Variants in MAP1LC3B observed in about 807,000 individuals in gnomAD.
MAP1LC3B encodes microtubule associated protein 1 light chain 3 beta, also known as microtubule-associated protein 1 light chain 3 beta.
In MAP1LC3B, 12 loss-of-function variants were observed where a neutral mutation model predicts 16.7. The observed-to-expected ratio is 0.72, with a 90% CI of 0.46 to 1.16. MAP1LC3B has a LOEUF of 1.16. Among genes scored for constraint, MAP1LC3B ranks in the 50% most tolerant of loss-of-function variants. MAP1LC3B has a pLI of 0.00. For synonymous variants in MAP1LC3B, 63 were observed against 56.5 expected, an observed-to-expected ratio of 1.11 and a Z score of -0.51; for missense variants, 155 against 159.5, an observed-to-expected ratio of 0.97 and a Z score of 0.15.
intron 2 of MAP1LC3B, chr16:87,399,564 A>G (rs1567500398): frequency 2.2e-6 from 1 of 448,284 alleles, no homozygotes; most frequent in Non-Finnish European, 4.4e-6. Flanking sequence ...AAGATTTCCC[A>G]TTCCTGCCAC....
At chr16:87,400,519 T>G (rs9308349) in intron 2 of MAP1LC3B, among the ~76,000 whole-genome samples, 125,247 of 151,956 alleles carry the variant, frequency 0.82, 55,824 homozygotes, top group East Asian at 1. Flanking sequence ...AGAAATATGT[T>G]ATCAGAATGA....
intron 2 of MAP1LC3B, among the ~76,000 whole-genome samples, chr16:87,401,305 C>G (rs888444627): frequency 6.6e-6 from 1 of 152,072 alleles, no homozygotes; most frequent in African/African-American, 2.4e-5. Flanking sequence ...AAAACTGAAA[C>G]AGAATGAAAG....
At chr16:87,401,295 A>G (rs370939185) in intron 2 of MAP1LC3B, among the ~76,000 whole-genome samples, 1 of 152,296 alleles carries the variant, frequency 6.6e-6, no homozygotes, top group African/African-American at 2.4e-5. Flanking sequence ...TCATGGTTCC[A>G]AAACTGAAAC....
At position 87,401,918 on chromosome 16, in the gene MAP1LC3B, C is replaced by T. The variant is rs1908006916; in HGVS notation, c.97-257C>T. 2.6e-5 allele frequency among the ~76,000 whole-genome samples: 4 copies of T among 152,228 alleles called. No individual in the cohort carries two copies. In the South Asian group the frequency reaches 8.3e-4, roughly 32 times the overall value. On this transcript the variant is annotated intron_variant, in intron 2 of 3. Transcript: ENST00000268607. ...CGCGATCTCGGCTCACTGCAAGCTCCACCTCCCGGGTTCACGCCATTCTCC... is the reference window on the plus strand; with the variant it reads ...CGCGATCTCGGCTCACTGCAAGCTCTACCTCCCGGGTTCACGCCATTCTCC...
rs1329801105 is a variant in MAP1LC3B, at chr16:87,402,186, A to G, written c.108A>G (p.Glu36=). 6.2e-7 allele frequency: 1 copy of G among 1,614,066 alleles called. No individual in the cohort carries two copies. The highest frequency in any genetic ancestry group is 1.3e-5 in the African/African-American group (1 of 75,038). ...QHPTKIPVII[E]RYKGEKQLPV... ...GGCTTCTTTTCCAGGTGATAATAGA[A>G]CGATACAAGGGTGAGAAGCAGCTTC... The change falls in exon 3 of 4, where the codon GAA becomes GAG. Residue 36 remains glutamate, a synonymous_variant. Coordinates refer to ENST00000268607, the MANE Select transcript of MAP1LC3B (RefSeq NM_022818.5).
intron 1 of MAP1LC3B, among the ~76,000 whole-genome samples, chr16:87,395,022 G>A (rs997289757): frequency 7.7e-6 from 1 of 129,906 alleles, no homozygotes; most frequent in African/African-American, 2.9e-5. Flanking sequence ...TGGGATTACA[G>A]GTGTGAGCCA....
At chr16:87,399,292 A>G (rs897162928) in intron 2 of MAP1LC3B, 7 of 266,986 alleles carry the variant, frequency 2.6e-5, no homozygotes, top group Non-Finnish European at 4.5e-5. Context: ...GATTATAGGC[A>G]TGAGCCACTG....
intron 3 of MAP1LC3B, 178 bp from the exon 4 acceptor site, chr16:87,402,745 A>G (rs1211051973): frequency 2.9e-5 from 22 of 754,592 alleles, no homozygotes; most frequent in South Asian, 1.9e-4. Context: ...TCTTTCAGTG[A>G]TTATAGCTCA....
rs1186447045 is a variant in MAP1LC3B at position 87,403,951 on chromosome 16, T to C, written c.*854T>C. ...GGAGTACAGCGGGAGAAACACAAAA[T>C]AGTATAACTGAAAACATTAACATTC... is the stretch of plus-strand genomic sequence containing the variant. On this transcript the variant is annotated 3_prime_UTR_variant, in exon 4 of 4. Coordinates refer to ENST00000268607, the MANE Select transcript of MAP1LC3B (RefSeq NM_022818.5). 5 of 152,172 alleles carry C rather than the reference T, an allele frequency of 3.3e-5. No individual in the cohort carries two copies. The highest frequency in any genetic ancestry group is 4.8e-5 in the African/African-American group (2 of 41,426). The allele number at this position is 152,172 out of a possible 1,614,324, so 9.4% of individuals were successfully genotyped here.
At chr16:87,398,321 C>T (rs190437127) in intron 1 of MAP1LC3B, among the ~76,000 whole-genome samples, 1 of 152,310 alleles carries the variant, frequency 6.6e-6, no homozygotes, top group East Asian at 1.9e-4. Flanking sequence ...ATATTCCATT[C>T]TCTTGAGCAG....
intron 1 of MAP1LC3B, chr16:87,393,207 A>C (rs564627614): frequency 1.3e-5 from 2 of 152,408 alleles, no homozygotes; most frequent in African/African-American, 4.8e-5. Context: ...AACCCAGCTT[A>C]GGTGTGCTGG....
intron 2 of MAP1LC3B, 84 bp from the exon 3 acceptor site, chr16:87,402,091 T>C (rs1908014431): frequency 1.4e-6 from 2 of 1,382,252 alleles, no homozygotes; most frequent in South Asian, 2.4e-5. Context: ...CGCCTCGGCC[T>C]CCCAAAATGC....
rs960569342 is a variant in MAP1LC3B, at chr16:87,392,371, C to T, written c.-57C>T. On this transcript the variant is annotated 5_prime_UTR_variant, in exon 1 of 4. Coordinates refer to ENST00000268607, the MANE Select transcript of MAP1LC3B (RefSeq NM_022818.5). ...TCGCCGCCGCAGCAGCCGCCGCCCC[C>T]GGGAGCCGCCGGGACCCTCGCGTCG... is the stretch of plus-strand genomic sequence containing the variant. 182 of 1,380,452 alleles carry T rather than the reference C, an allele frequency of 1.3e-4. No homozygotes were observed. Among genetic ancestry groups the T allele is most frequent in the East Asian group, 2.5e-4 (8 of 32,076 alleles). 85.5% of individuals were successfully genotyped at this position (1,380,452 alleles called of 1,614,324 possible). A position where few individuals can be genotyped will look rare whatever the true frequency, so the allele number is the denominator to read the frequency against.
In MAP1LC3B at chr16:87,402,456, T is replaced by C. The variant is rs1908029087; in HGVS notation, c.203+175T>C. The C allele has an allele frequency of 5.9e-6, 4 of 675,764 alleles. No individual in the cohort carries two copies. The Admixed American group carries it at 9.7e-5, about 16-fold the overall frequency. 41.9% of individuals were successfully genotyped at this position (675,764 alleles called of 1,614,324 possible). ...ATTTCAACTTAAACTATAAAATGTTTCTTTTTTTGAGGTTTTATATTACTT... is the reference window on the plus strand; with the variant it reads ...ATTTCAACTTAAACTATAAAATGTTCCTTTTTTTGAGGTTTTATATTACTT... On this transcript the variant is annotated intron_variant, in intron 3 of 3. Transcript: ENST00000268607.
chr16:87,399,238 C>T (rs1274321190), intron 2 of MAP1LC3B: 2 of 261,626 alleles, frequency 7.6e-6, no homozygotes, highest in South Asian at 8.4e-5. Flanking sequence ...ATCTCAAACT[C>T]CTGGGCTCAA....
chr16:87,392,714 GGAGGA>G (rs1200952030), intron 1 of MAP1LC3B: 1 of 191,980 alleles, frequency 5.2e-6, no homozygotes, highest in African/African-American at 2.4e-5. Context: ...CGGAGGCCTG[GGAGGA>G]GGCAGCCGGC....
rs1908021718 is a variant in MAP1LC3B at position 87,402,281 on chromosome 16, G to A, written c.203G>A (p.Arg68Lys). The change falls in exon 3 of 4, where the codon AGA (arginine) becomes AAA (lysine). Residue 68 changes from arginine to lysine, a missense_variant and splice_region_variant. Transcript: ENST00000268607. ...ATGAGTGAGCTCATCAAGATAATTAGGTATTCAGTCACCTTTGTTTCATAA... is the reference window on the plus strand; with the variant it reads ...ATGAGTGAGCTCATCAAGATAATTAAGTATTCAGTCACCTTTGTTTCATAA... ...VNMSELIKIIRRRLQLNANQA... is the reference protein window; with the variant it reads ...VNMSELIKIIKRRLQLNANQA... The A allele has an allele frequency of 6.2e-7, 1 of 1,612,548 alleles. No individual in the cohort carries two copies. The highest frequency in any genetic ancestry group is 8.5e-7 in the Non-Finnish European group (1 of 1,179,110).
Position 87,403,129 on chromosome 16 carries a change from T to G in MAP1LC3B, c.*32T>G. On this transcript the variant is annotated 3_prime_UTR_variant, in exon 4 of 4. Transcript: ENST00000268607. ...AAAAAATGCAGCTCTTCTAGAATTGTTTAAACCCTTACCAAGGAAAAAAAA... is the reference window on the plus strand; with the variant it reads ...AAAAAATGCAGCTCTTCTAGAATTGGTTAAACCCTTACCAAGGAAAAAAAA... 6.4e-7 allele frequency: 1 copy of G among 1,569,866 alleles called. No homozygotes were observed. The highest frequency in any genetic ancestry group is 8.6e-7 in the Non-Finnish European group (1 of 1,162,068).
At chr16:87,399,542 A>G (rs1355563102) in intron 2 of MAP1LC3B, 1 of 445,884 alleles carries the variant, frequency 2.2e-6, no homozygotes, top group Non-Finnish European at 4.5e-6. Flanking sequence ...TTCTTTCCCA[A>G]AGAAGCATGT....
Sources: gnomAD v4.1 joint callset for allele counts (sites outside exome capture counted in the v4.1 genomes callset) on GRCh38, gnomAD v4.1.1 for gene constraint, MANE v1.5 for transcripts, NCBI Gene and HGNC (gene_info 2026-07-23, HGNC 2026-07-21) for gene names.